AGPS: variants seen among roughly 807,000 people sequenced by gnomAD.
The protein encoded by AGPS is alkylglycerone phosphate synthase.
Under a neutral mutation model 90.7 loss-of-function variants are expected in AGPS, and 26 were observed. That is an observed-to-expected ratio of 0.29 (90% CI 0.21 to 0.40). AGPS has a LOEUF of 0.40. Ranked by LOEUF, AGPS falls within the 10% of genes least tolerant of loss-of-function variation. The probability of loss-of-function intolerance (pLI) is 1.00; values close to 1 mark genes in which losing one functional copy is unlikely to be tolerated. For synonymous variants in AGPS, 294 were observed against 285.3 expected (o/e 1.03, Z -0.31); for missense variants, 540 against 816.1 (o/e 0.66, Z 4.12).
chr2:177,524,516 A>G (rs1165580443), intron 19 of AGPS, among the ~76,000 whole-genome samples: 2 of 152,176 alleles, frequency 1.3e-5, no homozygotes, highest in Non-Finnish European at 2.9e-5. Context: ...TATATCCCTC[A>G]ATATAATTTG....
chr2:177,495,349 C>T (rs1688380776), intron 12 of AGPS, among the ~76,000 whole-genome samples: 1 of 152,122 alleles, frequency 6.6e-6, no homozygotes, highest in Admixed American at 6.6e-5. Context: ...GACTGTTCGT[C>T]AGAGTGGTAT....
chr2:177,527,146 G>T (rs377677971), intron 19 of AGPS, among the ~76,000 whole-genome samples: 3 of 152,152 alleles, frequency 2.0e-5, no homozygotes, highest in African/African-American at 4.8e-5. Flanking sequence ...AATGTATATG[G>T]GCTGGGCATG....
intron 6 of AGPS, 135 bp from the exon 7 acceptor site, chr2:177,442,272 G>A (rs1574370492): frequency 7.1e-6 from 5 of 705,370 alleles, no homozygotes; most frequent in Non-Finnish European, 1.3e-5. Flanking sequence ...TTTGCAAGTT[G>A]TATTTTGCAA....
Position 177,461,878 on chromosome 2 carries a change from A to T in AGPS, c.871-15A>T. On this transcript the variant is annotated splice_polypyrimidine_tract_variant and intron_variant, in intron 8 of 19. Coordinates refer to ENST00000264167, the MANE Select transcript of AGPS (RefSeq NM_003659.4). Reference sequence around the variant, plus strand: ...GACCATTTTCACTGTAAAATGTTAAATTTTTGTTTTTCAGCTTAAAGAAAG... The same window carrying T: ...GACCATTTTCACTGTAAAATGTTAATTTTTTGTTTTTCAGCTTAAAGAAAG... 1 of 1,606,444 alleles carries T rather than the reference A, an allele frequency of 6.2e-7. No homozygotes were observed. The highest frequency in any genetic ancestry group is 8.5e-7 in the Non-Finnish European group (1 of 1,175,272).
At chr2:177,516,618 T>A (rs905397824) in intron 17 of AGPS, among the ~76,000 whole-genome samples, 3 of 152,174 alleles carry the variant, frequency 2.0e-5, no homozygotes, top group African/African-American at 7.2e-5. Flanking sequence ...CCATCAAGCT[T>A]TGTTATGACT....
intron 16 of AGPS, among the ~76,000 whole-genome samples, chr2:177,511,973 G>A (rs1688887371): frequency 6.6e-6 from 1 of 152,278 alleles, no homozygotes; most frequent in Non-Finnish European, 1.5e-5. Flanking sequence ...CTGAAATGCA[G>A]TTCACACAGT....
chr2:177,438,422 G>A (rs1465541954), intron 5 of AGPS, among the ~76,000 whole-genome samples: 1 of 152,152 alleles, frequency 6.6e-6, no homozygotes, highest in East Asian at 1.9e-4. Flanking sequence ...GAATAATATA[G>A]TGGAAGTATA....
intron 2 of AGPS, among the ~76,000 whole-genome samples, chr2:177,421,021 A>G (rs1685926417): frequency 6.6e-6 from 1 of 152,012 alleles, no homozygotes; most frequent in South Asian, 2.1e-4. Context: ...CCTCAGTAAA[A>G]CTGGAAAAAT....
At chr2:177,408,478 T>C (rs1685524278) in intron 1 of AGPS, among the ~76,000 whole-genome samples, 1 of 152,236 alleles carries the variant, frequency 6.6e-6, no homozygotes, top group Non-Finnish European at 1.5e-5. Flanking sequence ...GAAAATATGA[T>C]CTCTGTATAG....
chr2:177,436,844 A>G lies in AGPS; in HGVS notation c.522A>G (p.Ser174=), dbSNP rs749533807. 30 of 1,612,664 alleles carry G rather than the reference A, an allele frequency of 1.9e-5. No homozygotes were observed. In the South Asian group the frequency reaches 2.6e-4, roughly 14 times the overall value. Residue 174 remains serine, a synonymous_variant, in exon 4 of 20, where the codon TCA becomes TCG. Transcript: ENST00000264167. The part of the protein sequence containing the change: ...FLHDLKETNI[S]YSQEADDRVF... ...ATGACCTTAAAGAAACTAATATTTC[A>G]TATTCACAAGAGGCAGATGATCGAG... is the stretch of plus-strand genomic sequence containing the variant.
intron 1 of AGPS, among the ~76,000 whole-genome samples, chr2:177,409,388 CTTTT>C (rs11305352): frequency 4.2e-5 from 6 of 144,422 alleles, no homozygotes; most frequent in Admixed American, 6.9e-5. Flanking sequence ...TATGATTTGA[CTTTT>C]TTTTTTTTTT....
chr2:177,425,015 G>A (rs1050776358), intron 2 of AGPS, among the ~76,000 whole-genome samples: 10 of 152,002 alleles, frequency 6.6e-5, no homozygotes, highest in African/African-American at 1.4e-4. Context: ...ATTTTCTCCC[G>A]TTCTGTAGGT....
chr2:177,417,537 T>C (rs776235249), intron 1 of AGPS, among the ~76,000 whole-genome samples: 2 of 152,246 alleles, frequency 1.3e-5, no homozygotes, highest in Admixed American at 6.5e-5. Flanking sequence ...TTCTTTCAAA[T>C]ATTCTGGTTA....
At chr2:177,464,465 AT>A (rs1687390111) in intron 9 of AGPS, among the ~76,000 whole-genome samples, 1 of 152,234 alleles carries the variant, frequency 6.6e-6, no homozygotes, top group Non-Finnish European at 1.5e-5. Flanking sequence ...CTCATAGCTT[AT>A]TTAACTGTTT....
Position 177,539,196 on chromosome 2 carries a change from T to C in AGPS, c.*1001T>C, listed in dbSNP as rs963416262. On this transcript the variant is annotated 3_prime_UTR_variant, in exon 20 of 20. Coordinates refer to ENST00000264167, the MANE Select transcript of AGPS (RefSeq NM_003659.4). ...ATCATTTTTGATTTTTTAAAATTAA[T>C]CCCAATGGCATGATAAATTTTCATA... 3 of 152,054 alleles carry C rather than the reference T, an allele frequency of 2.0e-5. No individual in the cohort carries two copies. The highest frequency in any genetic ancestry group is 2.9e-5 in the Non-Finnish European group (2 of 67,926). 9.4% of individuals were successfully genotyped at this position (152,054 alleles called of 1,614,324 possible).
chr2:177,460,868 A>G (rs957307420), intron 8 of AGPS, among the ~76,000 whole-genome samples: 1 of 152,236 alleles, frequency 6.6e-6, no homozygotes. Flanking sequence ...GTCTTTTAAA[A>G]TCTTGTTTTC....
intron 10 of AGPS, among the ~76,000 whole-genome samples, chr2:177,473,079 C>T (rs762359526): frequency 6.6e-5 from 10 of 152,142 alleles, no homozygotes; most frequent in Non-Finnish European, 1.5e-4. Flanking sequence ...CTTTTATTTA[C>T]TTTTCATACT....
In AGPS at chr2:177,499,863, A is replaced by C. The variant is rs1218947495; in HGVS notation, c.1475+133A>C. 4 of 626,486 alleles carry C rather than the reference A, an allele frequency of 6.4e-6. No individual in the cohort carries two copies. The African/African-American group carries it at 7.4e-5, about 12-fold the overall frequency. The allele number at this position is 626,486 out of a possible 1,614,324, so 38.8% of individuals were successfully genotyped here. ...ATGTCTCAAAGTAGTTATTAATTTC[A>C]GTTTAGTGTTAAATTTGTGGTAATT... On this transcript the variant is annotated intron_variant, in intron 14 of 19. Transcript: ENST00000264167.
intron 2 of AGPS, among the ~76,000 whole-genome samples, chr2:177,432,832 G>T (rs1574362673): frequency 6.6e-6 from 1 of 152,188 alleles, no homozygotes. Context: ...GCTGCTTCCA[G>T]TCCTGCAGAA....
Sources: gnomAD v4.1 joint callset for allele counts (sites outside exome capture counted in the v4.1 genomes callset) on GRCh38, gnomAD v4.1.1 for gene constraint, MANE v1.5 for transcripts, NCBI Gene and HGNC (gene_info 2026-07-23, HGNC 2026-07-21) for gene names.